Variants in MYO16 observed in about 807,000 individuals in gnomAD.
MYO16 encodes the protein myosin XVI, also known as unconventional myosin-XVI.
A neutral mutation model predicts 205.3 loss-of-function variants in MYO16; 94 were observed. The ratio of observed to expected loss-of-function variants is 0.46; its 90% CI spans 0.39 to 0.54. MYO16 has a LOEUF of 0.54. MYO16 is among the 20% of genes least tolerant of loss of function. The probability of loss-of-function intolerance (pLI) is 0.00; values close to 1 mark genes in which losing one functional copy is unlikely to be tolerated. For missense variants in MYO16, 2,315 were observed against 2,387.5 expected (o/e 0.97, Z 0.63); for synonymous variants, 988 against 954.0 (o/e 1.04, Z -0.66).
chr13:108,516,296 C>G, the MYO16 span, among the ~76,000 whole-genome samples: 1 of 151,666 alleles, frequency 6.6e-6, no homozygotes, highest in East Asian at 2.0e-4. Flanking sequence ...TGACCCCTTG[C>G]GCTTCCCAGG....
chr13:108,842,255 C>T (rs1566363527), intron 9 of MYO16, among the ~76,000 whole-genome samples: 1 of 151,690 alleles, frequency 6.6e-6, no homozygotes, highest in African/African-American at 2.4e-5. Context: ...GCAAAGAAAA[C>T]AATAAAATCA....
intron 16 of MYO16, among the ~76,000 whole-genome samples, chr13:108,924,773 G>A (rs1457831189): frequency 2.0e-5 from 3 of 152,134 alleles, no homozygotes; most frequent in Non-Finnish European, 4.4e-5. Context: ...CACTCCTGAC[G>A]TCACGTCTTC....
intron 16 of MYO16, among the ~76,000 whole-genome samples, chr13:108,947,756 G>C (rs1335309362): frequency 6.6e-6 from 1 of 152,202 alleles, no homozygotes; most frequent in Admixed American, 6.5e-5. Flanking sequence ...CTATGTGTAA[G>C]GTGTCAAGAG....
At chr13:108,758,352 G>A (rs898682984) in intron 4 of MYO16, among the ~76,000 whole-genome samples, 2 of 152,102 alleles carry the variant, frequency 1.3e-5, no homozygotes, top group Non-Finnish European at 2.9e-5. Context: ...GGATTTGCCC[G>A]AGGTATGTGT....
chr13:108,524,299 C>T, the MYO16 span, among the ~76,000 whole-genome samples: 3 of 124,340 alleles, frequency 2.4e-5, no homozygotes, highest in Non-Finnish European at 1.6e-5. Context: ...GGCAAGACTC[C>T]GTCTCCAAAA....
intron 25 of MYO16, chr13:109,054,392 CCATT>C: frequency 1.7e-5 from 5 of 289,292 alleles, no homozygotes; most frequent in East Asian, 1.1e-4. Flanking sequence ...AAGCATCAGA[CCATT>C]CATTCATTCA....
At chr13:108,935,512 CT>C (rs955599561) in intron 16 of MYO16, among the ~76,000 whole-genome samples, 2 of 152,096 alleles carry the variant, frequency 1.3e-5, no homozygotes, top group African/African-American at 4.8e-5. Context: ...CTTCAGGAGC[CT>C]TTTGGTGGAG....
At chr13:108,524,444 G>A in the MYO16 span, among the ~76,000 whole-genome samples, 4 of 152,140 alleles carry the variant, frequency 2.6e-5, 1 homozygote, top group Admixed American at 1.3e-4. Context: ...AAAGCTCCTT[G>A]AAGCTTCACC....
chr13:109,153,909 C>A (rs1281008349), intron 32 of MYO16, among the ~76,000 whole-genome samples: 1 of 152,204 alleles, frequency 6.6e-6, no homozygotes, highest in Non-Finnish European at 1.5e-5. Context: ...GAAGCTTAGG[C>A]TCAGCCTTTC....
intron 5 of MYO16, among the ~76,000 whole-genome samples, chr13:108,786,580 ATTGTTCCC>A (rs1201593755): frequency 6.6e-6 from 1 of 152,184 alleles, no homozygotes; most frequent in Non-Finnish European, 1.5e-5. Flanking sequence ...CATCTGCCTC[ATTGTTCCC>A]TTGTGCTCTC....
chr13:109,077,611 T>A (rs897829344), intron 27 of MYO16, among the ~76,000 whole-genome samples: 2 of 152,216 alleles, frequency 1.3e-5, no homozygotes, highest in Admixed American at 1.3e-4. Context: ...TTTCTTTTAG[T>A]ATTTTTAAGG....
At chr13:108,702,150 G>A (rs1289165544) in intron 2 of MYO16, among the ~76,000 whole-genome samples, 2 of 152,094 alleles carry the variant, frequency 1.3e-5, no homozygotes, top group African/African-American at 4.8e-5. Flanking sequence ...GGTACTAATT[G>A]GTGAAAACTT....
At chr13:108,834,476 C>G (rs915712492) in intron 9 of MYO16, among the ~76,000 whole-genome samples, 1 of 152,082 alleles carries the variant, frequency 6.6e-6, no homozygotes, top group African/African-American at 2.4e-5. Flanking sequence ...AAAGACATTG[C>G]TCCAAGAAAA....
intron 4 of MYO16, among the ~76,000 whole-genome samples, chr13:108,756,098 A>C (rs1412843601): frequency 6.6e-6 from 1 of 152,132 alleles, no homozygotes; most frequent in African/African-American, 2.4e-5. Context: ...GTGTTTACAC[A>C]TGAAAATAAA....
chr13:108,710,338 T>G (rs1883671864), intron 2 of MYO16, among the ~76,000 whole-genome samples: 7 of 152,152 alleles, frequency 4.6e-5, no homozygotes, highest in Admixed American at 4.6e-4. Flanking sequence ...ATTTCCCCCT[T>G]TGTTCTACTT....
chr13:109,052,231 G>C, intron 24 of MYO16, 69 bp from the exon 25 acceptor site: 1 of 1,380,644 alleles, frequency 7.2e-7, no homozygotes, highest in Non-Finnish European at 1.0e-6. Flanking sequence ...GCTCTTGTAT[G>C]AAGAATAAGT....
At chr13:108,798,987 G>A (rs921402457) in intron 6 of MYO16, among the ~76,000 whole-genome samples, 1 of 148,074 alleles carries the variant, frequency 6.8e-6, no homozygotes, top group Non-Finnish European at 1.5e-5. Flanking sequence ...TTACAGGCGT[G>A]AGCCACCGCG....
chr13:109,070,761 T>C (rs1887899359), intron 27 of MYO16, among the ~76,000 whole-genome samples: 1 of 152,224 alleles, frequency 6.6e-6, no homozygotes, highest in South Asian at 2.1e-4. Context: ...TCTTAGGTCT[T>C]TGAAATGCTT....
chr13:108,674,316 C>T (rs1882112073), intron 2 of MYO16, among the ~76,000 whole-genome samples: 1 of 152,096 alleles, frequency 6.6e-6, no homozygotes, highest in African/African-American at 2.4e-5. Context: ...AGTTAAAATT[C>T]CACAGTAGTT....
Sources: allele counts gnomAD v4.1 joint callset (sites outside exome capture counted in the v4.1 genomes callset), GRCh38; gene constraint gnomAD v4.1.1; transcripts MANE v1.5; gene names NCBI Gene and HGNC (gene_info 2026-07-23, HGNC 2026-07-21).